Variants in NKIRAS1 observed in about 807,000 individuals in gnomAD.
The protein encoded by NKIRAS1 is NF-kappa-B inhibitor-interacting Ras-like protein 1.
Under a neutral mutation model 19.8 loss-of-function variants are expected in NKIRAS1, and 16 were observed. That is an observed-to-expected ratio of 0.81 (90% CI 0.55 to 1.23). NKIRAS1 has a LOEUF of 1.23. NKIRAS1 is among the 50% of genes most tolerant of loss of function. NKIRAS1 has a pLI of 0.00. For synonymous variants in NKIRAS1, 88 were observed against 79.0 expected, an observed-to-expected ratio of 1.11 and a Z score of -0.61; for missense variants, 184 against 220.0, an observed-to-expected ratio of 0.84 and a Z score of 1.04.
intron 4 of NKIRAS1, among the ~76,000 whole-genome samples, chr3:23,898,192 G>T (rs1316655747): frequency 2.0e-5 from 3 of 152,140 alleles, no homozygotes; most frequent in Non-Finnish European, 4.4e-5. Flanking sequence ...GAGCTTTCAT[G>T]ACTTCTTACA....
At chr3:23,945,439 A>C (rs4858565) in intron 1 of NKIRAS1, 215,072 of 282,824 alleles carry the variant, frequency 0.76, 83,535 homozygotes, top group African/African-American at 0.91. Context: ...GGGGCCCGGG[A>C]GCCCCGCCCG....
At chr3:23,896,134 CAAAAAA>C (rs71057634) in intron 4 of NKIRAS1, among the ~76,000 whole-genome samples, 1 of 49,192 alleles carries the variant, frequency 2.0e-5, no homozygotes, top group East Asian at 7.8e-4. Context: ...GACTCCATCT[CAAAAAA>C]AAAAAAAAAA....
intron 4 of NKIRAS1, among the ~76,000 whole-genome samples, chr3:23,895,434 A>C (rs532416231): frequency 6.6e-6 from 1 of 152,202 alleles, no homozygotes; most frequent in South Asian, 2.1e-4. Flanking sequence ...AAGGACGTAC[A>C]ACCTACTGGC....
chr3:23,898,145 C>G (rs557745601), intron 4 of NKIRAS1, among the ~76,000 whole-genome samples: 2 of 152,142 alleles, frequency 1.3e-5, no homozygotes, highest in Non-Finnish European at 2.9e-5. Context: ...CAGCATTTGC[C>G]TGTTTCGGTG....
At chr3:23,901,413 G>A (rs543207039) in intron 3 of NKIRAS1, among the ~76,000 whole-genome samples, 3 of 151,988 alleles carry the variant, frequency 2.0e-5, no homozygotes, top group Non-Finnish European at 4.4e-5. Context: ...TCGAACTCCT[G>A]GGCTCAAGCA....
At chr3:23,915,080 C>T (rs1324724021) in intron 1 of NKIRAS1, among the ~76,000 whole-genome samples, 3 of 152,180 alleles carry the variant, frequency 2.0e-5, no homozygotes, top group Non-Finnish European at 4.4e-5. Context: ...ACTTTACATA[C>T]TCATACAAGA....
At chr3:23,920,807 T>G (rs897975876), upstream of NKIRAS1, 74 of 953,144 alleles carry the variant, frequency 7.8e-5, no homozygotes, top group Middle Eastern at 5.4e-4. Flanking sequence ...GTGTAGAGGT[T>G]GTTCAACTGA....
rs1373982431 is a variant in NKIRAS1 at position 23,927,417 on chromosome 3, A to G, written c.-139-15967T>C. Among the ~76,000 whole-genome samples, 1 of 152,226 alleles carries G rather than the reference A, an allele frequency of 6.6e-6. No homozygotes were observed. Among genetic ancestry groups the G allele is most frequent in the East Asian group, 1.9e-4 (1 of 5,198 alleles). On this transcript the variant is annotated intron_variant, in intron 1 of 4. Coordinates refer to the NKIRAS1 transcript ENST00000421515. The surrounding 1 kb of genome is among the most constrained non-coding windows in gnomAD (Gnocchi z 4.0). ...GCGAAGGTGCTATAGTTGGCTTGTG[A>G]CATTAAACCTCATAATCAAAGCATT... is the stretch of plus-strand genomic sequence containing the variant.
intron 1 of NKIRAS1, among the ~76,000 whole-genome samples, chr3:23,913,254 C>T (rs1019135096): frequency 9.9e-5 from 15 of 152,004 alleles, no homozygotes; most frequent in Non-Finnish European, 1.5e-4. Flanking sequence ...CATGGGCAAA[C>T]GGTAAAAGTA....
chr3:23,945,582 G>A, intron 1 of NKIRAS1: 1 of 1,173,714 alleles, frequency 8.5e-7, no homozygotes, highest in South Asian at 4.2e-5. Flanking sequence ...GGGCACCATG[G>A]AGGTGAATGC....
At chr3:23,939,397 A>C (rs144633984) in intron 1 of NKIRAS1, among the ~76,000 whole-genome samples, 11 of 152,312 alleles carry the variant, frequency 7.2e-5, no homozygotes, top group African/African-American at 2.6e-4. Context: ...AAGTAAATAA[A>C]AGTTTTGTAG....
intron 1 of NKIRAS1, among the ~76,000 whole-genome samples, chr3:23,913,526 A>G (rs143976661): frequency 9.8e-5 from 15 of 152,380 alleles, no homozygotes; most frequent in Admixed American, 3.9e-4. Context: ...TCTTTAAAAA[A>G]TAATTAACAT....
intron 1 of NKIRAS1, among the ~76,000 whole-genome samples, chr3:23,940,168 CAAAAAAAAAAAA>C (rs1293108063): frequency 4.2e-5 from 3 of 71,758 alleles, no homozygotes; most frequent in African/African-American, 1.0e-4. Flanking sequence ...CCATCTCTAC[CAAAAAAAAAAAA>C]AAAAAAAAAA....
intron 3 of NKIRAS1, among the ~76,000 whole-genome samples, chr3:23,901,918 C>A (rs530516064): frequency 6.6e-6 from 1 of 152,168 alleles, no homozygotes; most frequent in East Asian, 1.9e-4. Flanking sequence ...ACTAAAAATA[C>A]AAAAATTCGC....
At chr3:23,895,137 T>G (rs1701857489) in intron 4 of NKIRAS1, among the ~76,000 whole-genome samples, 1 of 152,198 alleles carries the variant, frequency 6.6e-6, no homozygotes, top group Non-Finnish European at 1.5e-5. Flanking sequence ...CTTGATCTTC[T>G]GGGCTCAAGC....
chr3:23,899,588 C>T (rs1297380462), intron 4 of NKIRAS1, among the ~76,000 whole-genome samples: 2 of 151,938 alleles, frequency 1.3e-5, no homozygotes, highest in Non-Finnish European at 2.9e-5. Context: ...GAGTTCCAGA[C>T]AGGGAAACAA....
intron 1 of NKIRAS1, among the ~76,000 whole-genome samples, chr3:23,936,109 G>A (rs1377433239): frequency 4.8e-5 from 4 of 82,834 alleles, no homozygotes; most frequent in Non-Finnish European, 1.2e-4. Context: ...AAAAAAAAGC[G>A]GGGTTGGGGA....
At chr3:23,931,012 G>T (rs1287481020) in intron 1 of NKIRAS1, among the ~76,000 whole-genome samples, 1 of 151,908 alleles carries the variant, frequency 6.6e-6, no homozygotes, top group Non-Finnish European at 1.5e-5. Context: ...AAAACAATAT[G>T]TATTTCAATA....
rs1701371375 is a variant in NKIRAS1 at position 23,890,417 on chromosome 3, T to C, written c.*2678A>G. 1 of 1,184,642 alleles carries C rather than the reference T, an allele frequency of 8.4e-7. No homozygotes were observed. The highest frequency in any genetic ancestry group is 1.2e-6 in the Non-Finnish European group (1 of 837,724). The allele number at this position is 1,184,642 out of a possible 1,614,324, so 73.4% of individuals were successfully genotyped here. On this transcript the variant is annotated 3_prime_UTR_variant, in exon 5 of 5. Transcript: ENST00000425478. Reference sequence around the variant, plus strand: ...AAGATGGGTTTGATCACACATACTTTGTCGTACGTATCTACCCAAGCTGTC... The same window carrying C: ...AAGATGGGTTTGATCACACATACTTCGTCGTACGTATCTACCCAAGCTGTC...
Sources: allele counts gnomAD v4.1 joint callset (sites outside exome capture counted in the v4.1 genomes callset), GRCh38; gene constraint gnomAD v4.1.1; non-coding constraint Gnocchi (gnomAD v3.1); transcripts MANE v1.5; gene names NCBI Gene and HGNC (gene_info 2026-07-23, HGNC 2026-07-21).